Variants in BSN observed in about 807,000 individuals in gnomAD.
BSN encodes protein bassoon.
Under a neutral mutation model 264.8 loss-of-function variants are expected in BSN, and 57 were observed. The observed-to-expected ratio is 0.22, with a 90% CI of 0.17 to 0.27. The LOEUF (loss-of-function observed/expected upper bound fraction) is 0.27, where lower values mean the gene tolerates loss of function less well. BSN is among the 10% of genes least tolerant of loss of function. The pLI, the probability that BSN is intolerant of heterozygous loss-of-function variation, is 1.00. For synonymous variants in BSN, 2,059 were observed against 2,137.3 expected (o/e 0.96, Z 1.01); for missense variants, 4,615 against 5,232.5 (o/e 0.88, Z 3.64).
At position 49,585,953 on chromosome 3, in the gene BSN, A is replaced by T. The variant is rs1050455328; in HGVS notation, c.224+31127A>T. On this transcript the variant is annotated intron_variant, in intron 1 of 11. Coordinates refer to ENST00000296452, the MANE Select transcript of BSN (RefSeq NM_003458.4). The surrounding 1 kb of genome is among the most constrained non-coding windows in gnomAD (Gnocchi z 4.7). ...TGTTCATTTTTGATCGGATTATTAG[A>T]TTTTTTTCTATATAGTTGTTTGAGC... Among the ~76,000 whole-genome samples, 1 of 151,828 alleles carries T rather than the reference A, an allele frequency of 6.6e-6. No individual in the cohort carries two copies. Among genetic ancestry groups the T allele is most frequent in the East Asian group, 1.9e-4 (1 of 5,176 alleles).
In BSN at chr3:49,654,053, G is replaced by A; in HGVS notation, c.4497G>A (p.Arg1499=). 1 of 1,613,826 alleles carries A rather than the reference G, an allele frequency of 6.2e-7. No individual in the cohort carries two copies. The highest frequency in any genetic ancestry group is 8.5e-7 in the Non-Finnish European group (1 of 1,179,970). Residue 1499 remains arginine, a synonymous_variant, in exon 5 of 12, where the codon AGG becomes AGA. Transcript: ENST00000296452. The surrounding 1 kb of genome is among the most constrained non-coding windows in gnomAD (Gnocchi z 4.1). ...PTFSPGKMGP[R]ATAEFSTQTP... is the part of the protein sequence containing the mutation. ...TCTCCCCTGGCAAGATGGGCCCAAG[G>A]GCCACAGCAGAGTTCTCTACACAGA... is the stretch of plus-strand genomic sequence containing the variant.
rs540097175 is a variant in BSN, at chr3:49,653,852, T to C, written c.4296T>C (p.Thr1432=). ...CCACTGCAAACTATGGGTCCCAAAC[T>C]GAGGATCTACCCCAGGCCCCCAGTG... ...SPTTANYGSQ[T]EDLPQAPSGL... is the part of the protein sequence containing the mutation. Residue 1432 remains threonine, a synonymous_variant, in exon 5 of 12, where the codon ACT becomes ACC. Transcript: ENST00000296452. This position sits in a 1 kb window ranked among gnomAD's most constrained non-coding sequence, Gnocchi z 6.3. The C allele has an allele frequency of 2.5e-6, 4 of 1,613,888 alleles. No individual in the cohort carries two copies. Among genetic ancestry groups the C allele is most frequent in the Non-Finnish European group, 3.4e-6 (4 of 1,179,988 alleles).
chr3:49,649,418 G>A (rs564393796), intron 3 of BSN, among the ~76,000 whole-genome samples: 1 of 152,350 alleles, frequency 6.6e-6, no homozygotes, highest in East Asian at 1.9e-4. Context: ...AACAGGCACA[G>A]GTGTCTGTGG....
At chr3:49,609,188 A>G (rs944053613) in intron 1 of BSN, among the ~76,000 whole-genome samples, 3 of 148,932 alleles carry the variant, frequency 2.0e-5, no homozygotes, top group Non-Finnish European at 4.4e-5. Flanking sequence ...TGCAACCTCA[A>G]CCTCCTAGGC....
chr3:49,612,721 A>G (rs1455092184), intron 1 of BSN, among the ~76,000 whole-genome samples: 1 of 152,232 alleles, frequency 6.6e-6, no homozygotes, highest in African/African-American at 2.4e-5. Flanking sequence ...GAAATTCAAA[A>G]TGGGTATAAT....
At chr3:49,619,248 T>G (rs1185464650) in intron 1 of BSN, among the ~76,000 whole-genome samples, 2 of 152,242 alleles carry the variant, frequency 1.3e-5, no homozygotes, top group Non-Finnish European at 2.9e-5. Flanking sequence ...TTGTTCTGGT[T>G]GTTGTGCATG....
intron 1 of BSN, among the ~76,000 whole-genome samples, chr3:49,616,617 C>T (rs2052261017): frequency 6.6e-6 from 1 of 152,186 alleles, no homozygotes; most frequent in Non-Finnish European, 1.5e-5. Context: ...CCTTGTGGGG[C>T]CCAGCTTGGT....
chr3:49,610,567 A>G (rs1193743430), intron 1 of BSN, among the ~76,000 whole-genome samples: 1 of 118,398 alleles, frequency 8.4e-6, no homozygotes, highest in Non-Finnish European at 1.7e-5. Flanking sequence ...CTGGGCAACA[A>G]GAGCGAAATT....
At chr3:49,615,486 G>A (rs992379157) in intron 1 of BSN, among the ~76,000 whole-genome samples, 4 of 152,136 alleles carry the variant, frequency 2.6e-5, no homozygotes, top group Non-Finnish European at 5.9e-5. Flanking sequence ...TAAAGGGGCT[G>A]GGAAGTTAGG....
intron 1 of BSN, among the ~76,000 whole-genome samples, chr3:49,598,457 G>C (rs1237160035): frequency 6.6e-6 from 1 of 152,144 alleles, no homozygotes; most frequent in Non-Finnish European, 1.5e-5. Context: ...AGAGATCAAA[G>C]GTCAACAATT....
Position 49,657,549 on chromosome 3 carries a change from G to A in BSN, c.7993G>A (p.Gly2665Ser), listed in dbSNP as rs770631985. The A allele has an allele frequency of 6.2e-7, 1 of 1,613,190 alleles. No individual in the cohort carries two copies. Among genetic ancestry groups the A allele is most frequent in the East Asian group, 2.2e-5 (1 of 44,886 alleles). ...AATVRAMSSV[G>S]IQTISDCSVQ... ...CACTGTGAGGGCCATGAGCAGCGTGGGCATCCAGACCATCAGTGACTGCTC... is the reference window on the plus strand; with the variant it reads ...CACTGTGAGGGCCATGAGCAGCGTGAGCATCCAGACCATCAGTGACTGCTC... Residue 2665 changes from glycine (G) to serine (S), a missense_variant, in exon 5 of 12, where the codon GGC becomes AGC. By Grantham distance (56) the Gly-to-Ser change is moderately conservative (BLOSUM62 0). Transcript: ENST00000296452.
chr3:49,645,915 G>A (rs1254202892), intron 3 of BSN, among the ~76,000 whole-genome samples: 1 of 152,184 alleles, frequency 6.6e-6, no homozygotes, highest in Non-Finnish European at 1.5e-5. Context: ...GCTTAAGAAC[G>A]ACTGTGCTGT....
At chr3:49,568,770 G>A (rs1467661692) in intron 1 of BSN, among the ~76,000 whole-genome samples, 1 of 152,178 alleles carries the variant, frequency 6.6e-6, no homozygotes, top group Non-Finnish European at 1.5e-5. Context: ...GGAAAATGTG[G>A]CATTTTGTAA....
rs1309871806 is a variant in BSN at position 49,650,979 on chromosome 3, C to A, written c.1886C>A (p.Thr629Asn). Residue 629 changes from threonine (T) to asparagine (N), a missense_variant, in exon 4 of 12, where the codon ACC (threonine) becomes AAC (asparagine). Coordinates refer to ENST00000296452, the MANE Select transcript of BSN (RefSeq NM_003458.4). ...AAGCCACCTCCAGAGACTACCCCAACCCCTGCGACTCCTAAAGTAAAGAGT... is the reference window on the plus strand; with the variant it reads ...AAGCCACCTCCAGAGACTACCCCAAACCCTGCGACTCCTAAAGTAAAGAGT... ...MPKPPPETTP[T>N]PATPKVKSGV... 2 of 1,614,176 alleles carry A rather than the reference C, an allele frequency of 1.2e-6. No individual in the cohort carries two copies. The highest frequency in any genetic ancestry group is 1.7e-6 in the Non-Finnish European group (2 of 1,180,032).
chr3:49,574,011 G>A (rs1434459837), intron 1 of BSN, among the ~76,000 whole-genome samples: 1 of 152,070 alleles, frequency 6.6e-6, no homozygotes, highest in African/African-American at 2.4e-5. Flanking sequence ...GTGCAGTGGT[G>A]CAGTCACAGC....
chr3:49,662,107 A>G lies in BSN; in HGVS notation c.10262A>G (p.Lys3421Arg). Residue 3421 changes from lysine to arginine, a missense_variant, in exon 6 of 12, where the codon AAA becomes AGA. By Grantham distance (26) the Lys-to-Arg change is conservative. Transcript: ENST00000296452. ...AAGAAGAACGTGTATGAGCAGCAAA[A>G]ATACTATGGGATGTCCAGCCGGGAC... is the stretch of plus-strand genomic sequence containing the variant. ...GLKKNVYEQQKYYGMSSRDAV... is the reference protein window; with the variant it reads ...GLKKNVYEQQRYYGMSSRDAV... 1 of 1,613,476 alleles carries G rather than the reference A, an allele frequency of 6.2e-7. No homozygotes were observed.
rs1203636191 is a variant in BSN at position 49,656,675 on chromosome 3, C to T, written c.7119C>T (p.Leu2373=). 3 of 1,601,864 alleles carry T rather than the reference C, an allele frequency of 1.9e-6. No homozygotes were observed. Among genetic ancestry groups the T allele is most frequent in the East Asian group, 4.5e-5 (2 of 44,462 alleles). The change falls in exon 5 of 12, where the codon CTC becomes CTT. Residue 2373 remains leucine, a synonymous_variant. Transcript: ENST00000296452. ...AGCGGAAGCAACAGGAGCAGCTGCTCCAGCTAGAGCGGGAGCGGGTGGAGT... is the reference window on the plus strand; with the variant it reads ...AGCGGAAGCAACAGGAGCAGCTGCTTCAGCTAGAGCGGGAGCGGGTGGAGT... ...ERQRKQQEQL[L]QLERERVELE... is the part of the protein sequence containing the mutation.
chr3:49,604,283 C>G (rs1016455747), intron 1 of BSN, among the ~76,000 whole-genome samples: 1 of 152,050 alleles, frequency 6.6e-6, no homozygotes, highest in Non-Finnish European at 1.5e-5. Context: ...GATACATTCA[C>G]ATTGTTGTTT....
In BSN at chr3:49,661,213, C is replaced by T. The variant is rs747631125; in HGVS notation, c.9368C>T (p.Pro3123Leu). 5 of 1,613,584 alleles carry T rather than the reference C, an allele frequency of 3.1e-6. No homozygotes were observed. The highest frequency in any genetic ancestry group is 1.6e-4 in the Middle Eastern group (1 of 6,082). ...RPTGHYAGQTPMPTTQSTLFP... is the reference protein window; with the variant it reads ...RPTGHYAGQTLMPTTQSTLFP... ...ACAGGCCACTATGCAGGCCAAACAC[C>T]CATGCCAACCACACAGAGCACCCTT... Residue 3123 changes from proline (P) to leucine (L), a missense_variant, in exon 6 of 12, where the codon CCC becomes CTC. Physicochemically the swap from Pro to Leu is moderately conservative, Grantham distance 98. Coordinates refer to ENST00000296452, the MANE Select transcript of BSN (RefSeq NM_003458.4).
Sources: allele counts gnomAD v4.1 joint callset (sites outside exome capture counted in the v4.1 genomes callset), GRCh38; gene constraint gnomAD v4.1.1; non-coding constraint Gnocchi (gnomAD v3.1); transcripts MANE v1.5; gene names NCBI Gene and HGNC (gene_info 2026-07-23, HGNC 2026-07-21).